The following VWF variants were observed in gnomAD, a reference collection of about 807,000 sequenced individuals.
VWF encodes von Willebrand factor.
Under a neutral mutation model 308.6 loss-of-function variants are expected in VWF, and 176 were observed. The ratio of observed to expected loss-of-function variants is 0.57; its 90% CI spans 0.50 to 0.65. The LOEUF (loss-of-function observed/expected upper bound fraction) is 0.65, where lower values mean the gene tolerates loss of function less well. Ranked by LOEUF, VWF falls within the 30% of genes least tolerant of loss-of-function variation. The pLI is 0.00. For synonymous variants in VWF, 1,385 were observed against 1,443.4 expected (o/e 0.96, Z 0.92); for missense variants, 3,146 against 3,648.2 (o/e 0.86, Z 3.55).
At chr12:6,080,366 T>C (rs1468698343) in intron 6 of VWF, among the ~76,000 whole-genome samples, 2 of 152,226 alleles carry the variant, frequency 1.3e-5, no homozygotes, top group African/African-American at 4.8e-5. Context: ...AACCGGGTGT[T>C]TCCATGGGGA....
intron 48 of VWF, among the ~76,000 whole-genome samples, chr12:5,952,761 G>A (rs967039908): frequency 1.3e-5 from 2 of 152,208 alleles, no homozygotes; most frequent in Non-Finnish European, 2.9e-5. Context: ...AATGCTTGAA[G>A]GATTGAGATA....
rs974180100 is a variant in VWF at position 6,077,557 on chromosome 12, G to T, written c.658-2006C>A. Among the ~76,000 whole-genome samples the T allele has an allele frequency of 5.3e-5, 8 of 152,204 alleles. No individual in the cohort carries two copies. The South Asian group carries it at 1.7e-3, about 32-fold the overall frequency. ...AGCTCTGCCACTTACTGGCGGTGGG[G>T]ACTTAGGCAAATCAGCTCACCTGGT... On this transcript the variant is annotated intron_variant, in intron 6 of 51. Coordinates refer to ENST00000261405, the MANE Select transcript of VWF (RefSeq NM_000552.5).
chr12:6,006,062 TAATG>T (rs1943922778), intron 34 of VWF, among the ~76,000 whole-genome samples: 1 of 152,160 alleles, frequency 6.6e-6, no homozygotes, highest in Non-Finnish European at 1.5e-5. Flanking sequence ...AAAAATCAGT[TAATG>T]AATACACAAC....
At chr12:5,964,272 A>G (rs1729690008) in intron 47 of VWF, among the ~76,000 whole-genome samples, 1 of 132,688 alleles carries the variant, frequency 7.5e-6, no homozygotes, top group Admixed American at 7.0e-5. Flanking sequence ...ACATACATAC[A>G]TGCATACATA....
chr12:6,120,017 G>C (rs1224140649), intron 3 of VWF, among the ~76,000 whole-genome samples: 1 of 152,210 alleles, frequency 6.6e-6, no homozygotes, highest in Non-Finnish European at 1.5e-5. Context: ...AGCAGAGTCA[G>C]GGCAGGTAGC....
At chr12:6,028,525 C>G (rs1338807875) in intron 22 of VWF, among the ~76,000 whole-genome samples, 1 of 152,162 alleles carries the variant, frequency 6.6e-6, no homozygotes, top group East Asian at 1.9e-4. Context: ...TCGAGTTACT[C>G]ACAAAGGGAA....
chr12:6,109,309 A>G (rs1303743689), intron 5 of VWF, among the ~76,000 whole-genome samples: 1 of 150,294 alleles, frequency 6.7e-6, no homozygotes, highest in Non-Finnish European at 1.5e-5. Flanking sequence ...ATATACACAC[A>G]TATACAGTAT....
chr12:6,117,600 G>A (rs923586198), intron 3 of VWF, among the ~76,000 whole-genome samples: 39 of 152,218 alleles, frequency 2.6e-4, no homozygotes, highest in Admixed American at 1.8e-3. Flanking sequence ...CGGATCACCT[G>A]AGGTCGGGAG....
At chr12:6,121,788 G>A (rs532215990) in intron 2 of VWF, among the ~76,000 whole-genome samples, 6 of 152,138 alleles carry the variant, frequency 3.9e-5, no homozygotes, top group African/African-American at 7.2e-5. Context: ...AAAACTAGCC[G>A]GGTGTAGTGG....
At chr12:6,064,532 T>G (rs772833919) in intron 11 of VWF, 148 bp from the exon 12 acceptor site, 90 of 1,303,680 alleles carry the variant, frequency 6.9e-5, no homozygotes, top group Middle Eastern at 2.1e-4. Flanking sequence ...GAATACTCCA[T>G]GTGAATGGGG....
chr12:6,001,235 T>C (rs1414361196), intron 34 of VWF, among the ~76,000 whole-genome samples: 1 of 152,102 alleles, frequency 6.6e-6, no homozygotes, highest in Non-Finnish European at 1.5e-5. Context: ...ACCACATTTA[T>C]AAATGAAAAA....
intron 34 of VWF, among the ~76,000 whole-genome samples, chr12:6,005,117 C>A (rs216809): frequency 0.38 from 58,276 of 151,970 alleles, 11,884 homozygotes; most frequent in East Asian, 0.74. Context: ...CAGGAAAACA[C>A]TTTAGAATAA....
chr12:5,967,668 A>C, intron 46 of VWF, 66 bp from the exon 47 acceptor site: 263 of 1,381,792 alleles, frequency 1.9e-4, no homozygotes, highest in Non-Finnish European at 2.4e-4. Context: ...CCTCACTCTC[A>C]TACCCTGTCT....
At chr12:6,062,170 T>C (rs955577016) in intron 13 of VWF, among the ~76,000 whole-genome samples, 1 of 152,078 alleles carries the variant, frequency 6.6e-6, no homozygotes, top group African/African-American at 2.4e-5. Context: ...TTTAAGAGTG[T>C]AAAGGCATTC....
chr12:5,965,878 G>A (rs1378752840), intron 47 of VWF, among the ~76,000 whole-genome samples: 3 of 152,230 alleles, frequency 2.0e-5, no homozygotes, highest in Non-Finnish European at 4.4e-5. Context: ...GATCTCAAGA[G>A]AGAGGAGGTG....
At position 6,019,323 on chromosome 12, in the gene VWF, CAG is replaced by C; in HGVS notation, c.4093_4094del (p.Leu1365ValfsTer11). The C allele has an allele frequency of 6.2e-7, 1 of 1,613,940 alleles. No individual in the cohort carries two copies. Among genetic ancestry groups the C allele is most frequent in the Non-Finnish European group, 8.5e-7 (1 of 1,179,866 alleles). On this transcript the variant is annotated frameshift_variant, in exon 28 of 52. Transcript: ENST00000261405. LOFTEE classifies it high-confidence loss of function. The surrounding 1 kb of genome is among the most constrained non-coding windows in gnomAD (Gnocchi z 5.8). ...ASTSEVLKYT[L>X]FQIFSKIDRP... ...GGTCGATCTTGCTGAAGATTTGGAA[CAG>C]TGTGTATTTCAAGACCTCGCTGGTG...
intron 10 of VWF, among the ~76,000 whole-genome samples, chr12:6,067,984 A>C (rs1210639030): frequency 6.6e-6 from 1 of 151,812 alleles, no homozygotes; most frequent in Admixed American, 6.6e-5. Context: ...AAATACAAAA[A>C]ATTAGCCGGG....
chr12:6,045,850 G>A (rs139808526), intron 17 of VWF, among the ~76,000 whole-genome samples: 4 of 152,320 alleles, frequency 2.6e-5, no homozygotes, highest in Non-Finnish European at 2.9e-5. Flanking sequence ...AAGCAAATAA[G>A]GGTGCTGCAA....
intron 41 of VWF, 79 bp downstream of exon 41, chr12:5,983,071 G>T (rs888003227): frequency 7.3e-7 from 1 of 1,375,034 alleles, no homozygotes; most frequent in African/African-American, 1.4e-5. Flanking sequence ...GATCTTGGAA[G>T]AGGTCCCTGA....
Sources: allele counts gnomAD v4.1 joint callset (sites outside exome capture counted in the v4.1 genomes callset), GRCh38; gene constraint gnomAD v4.1.1; non-coding constraint Gnocchi (gnomAD v3.1); transcripts MANE v1.5; gene names NCBI Gene and HGNC (gene_info 2026-07-23, HGNC 2026-07-21).